The following DCPH1 variants were observed in gnomAD, a reference collection of about 807,000 sequenced individuals.
DCPH1 encodes the protein damage control phosphatase 1.
the DCPH1 span, chr6:151,469,004 T>G: frequency 1.2e-6 from 2 of 1,614,182 alleles, no homozygotes; most frequent in Non-Finnish European, 1.7e-6. Flanking sequence ...AAAGCTGAAA[T>G]TCAGGTTGGT....
At chr6:151,456,520 A>C in the DCPH1 span, among the ~76,000 whole-genome samples, 1 of 152,222 alleles carries the variant, frequency 6.6e-6, no homozygotes, top group Non-Finnish European at 1.5e-5. Context: ...GAATGGTTTT[A>C]ATGTTTATCA....
the DCPH1 span, chr6:151,452,514 G>T: frequency 1.2e-6 from 2 of 1,610,934 alleles, no homozygotes; most frequent in Middle Eastern, 1.7e-4. Flanking sequence ...CGATTGAACA[G>T]CCGAGCTTTG....
chr6:151,464,538 A>G, the DCPH1 span: 1 of 1,611,504 alleles, frequency 6.2e-7, no homozygotes, highest in Non-Finnish European at 8.5e-7. Context: ...TGCTTTATGT[A>G]CTCACCTGCA....
the DCPH1 span, chr6:151,464,557 TAAG>T: frequency 1.2e-6 from 2 of 1,612,240 alleles, no homozygotes; most frequent in Non-Finnish European, 8.5e-7. Flanking sequence ...CAACAATTGA[TAAG>T]AACTATTGAA....
At chr6:151,468,997 G>A in the DCPH1 span, 1 of 1,614,130 alleles carries the variant, frequency 6.2e-7, no homozygotes, top group Admixed American at 1.7e-5. Context: ...AACATTAAAA[G>A]CTGAAATTCA....
chr6:151,454,754 T>C, the DCPH1 span: 1 of 599,594 alleles, frequency 1.7e-6, no homozygotes, highest in Non-Finnish European at 3.0e-6. Context: ...TAAAAATCAA[T>C]AGATGGGCCA....
At chr6:151,464,451 A>G in the DCPH1 span, 1 of 1,597,868 alleles carries the variant, frequency 6.3e-7, no homozygotes, top group East Asian at 2.2e-5. Context: ...CTCCTACTTT[A>G]GTCCACCAAT....
At chr6:151,456,035 C>G in the DCPH1 span, among the ~76,000 whole-genome samples, 1 of 152,222 alleles carries the variant, frequency 6.6e-6, no homozygotes, top group African/African-American at 2.4e-5. Context: ...GCACATGTTT[C>G]AGAGAGCACG....
chr6:151,468,508 A>G, the DCPH1 span: 3 of 1,613,446 alleles, frequency 1.9e-6, no homozygotes, highest in East Asian at 2.2e-5. Context: ...AACAAGAGAA[A>G]AAGCTTCTGC....
At chr6:151,462,519 A>T in the DCPH1 span, among the ~76,000 whole-genome samples, 50 of 152,226 alleles carry the variant, frequency 3.3e-4, no homozygotes, top group Admixed American at 1.7e-3. Context: ...TAGATCATTC[A>T]TTCTCATTGC....
chr6:151,465,255 GA>G, the DCPH1 span, among the ~76,000 whole-genome samples: 1 of 152,150 alleles, frequency 6.6e-6, no homozygotes, highest in Admixed American at 6.5e-5. Flanking sequence ...CACATTATTA[GA>G]ATCAGAACTA....
chr6:151,452,814 CAG>C, the DCPH1 span: 135 of 495,608 alleles, frequency 2.7e-4, no homozygotes, highest in Non-Finnish European at 4.2e-4. Context: ...AGGATCAGGA[CAG>C]GGGTCAGCTT....
At chr6:151,456,401 T>C in the DCPH1 span, among the ~76,000 whole-genome samples, 4 of 152,232 alleles carry the variant, frequency 2.6e-5, no homozygotes, top group African/African-American at 9.7e-5. Flanking sequence ...TTCTTTCAAC[T>C]TCTTTTATAT....
At chr6:151,464,353 C>T in the DCPH1 span, 15 of 710,626 alleles carry the variant, frequency 2.1e-5, no homozygotes, top group Admixed American at 2.7e-4. Flanking sequence ...TTTCTGTTAG[C>T]ACTGATTATT....
At chr6:151,468,510 A>T in the DCPH1 span, 1 of 1,613,340 alleles carries the variant, frequency 6.2e-7, no homozygotes, top group Non-Finnish European at 8.5e-7. Flanking sequence ...CAAGAGAAAA[A>T]GCTTCTGCTA....
At chr6:151,465,148 C>T in the DCPH1 span, among the ~76,000 whole-genome samples, 20 of 152,274 alleles carry the variant, frequency 1.3e-4, no homozygotes, top group Admixed American at 1.3e-3. Context: ...TGATAATACT[C>T]GGGTATTCAG....
the DCPH1 span, among the ~76,000 whole-genome samples, chr6:151,460,323 G>A: frequency 2.0e-5 from 3 of 151,476 alleles, no homozygotes; most frequent in African/African-American, 7.3e-5. Context: ...TCCTGACCTC[G>A]AACTCCTGAC....
At chr6:151,465,475 C>T in the DCPH1 span, among the ~76,000 whole-genome samples, 2 of 152,046 alleles carry the variant, frequency 1.3e-5, no homozygotes, top group Middle Eastern at 3.2e-3. Flanking sequence ...AGGAGTAAGT[C>T]AGGTGTATGT....
At chr6:151,466,909 T>C in the DCPH1 span, among the ~76,000 whole-genome samples, 2 of 152,274 alleles carry the variant, frequency 1.3e-5, no homozygotes, top group African/African-American at 4.8e-5. Context: ...TTAGTTATTA[T>C]TTAAGCCTTT....
Sources: allele counts gnomAD v4.1 joint callset (sites outside exome capture counted in the v4.1 genomes callset), GRCh38; gene constraint gnomAD v4.1.1; transcripts MANE v1.5; gene names NCBI Gene and HGNC (gene_info 2026-07-23, HGNC 2026-07-21).